The following PPARA variants were observed in gnomAD, a reference collection of about 807,000 sequenced individuals.
PPARA encodes peroxisome proliferator activated receptor alpha, also known as peroxisome proliferator-activated receptor alpha.
PPARA carries 22 observed loss-of-function variants against 42.2 expected under a neutral mutation model. That is an observed-to-expected ratio of 0.52 (90% CI 0.37 to 0.74). The LOEUF is 0.74. Among genes scored for constraint, PPARA ranks in the 30% least tolerant of loss-of-function variants. The pLI is 0.00. For missense variants in PPARA, 465 were observed against 608.2 expected (o/e 0.76, Z 2.48); for synonymous variants, 242 against 239.3 (o/e 1.01, Z -0.10).
intron 3 of PPARA, among the ~76,000 whole-genome samples, chr22:46,189,767 G>A (rs1228642886): frequency 5.3e-5 from 8 of 150,654 alleles, no homozygotes; most frequent in African/African-American, 1.2e-4. Context: ...GTGCAGTGGC[G>A]CAGTCTCAGC....
chr22:46,202,036 T>C (rs938452981), intron 4 of PPARA, among the ~76,000 whole-genome samples: 1 of 152,192 alleles, frequency 6.6e-6, no homozygotes, highest in Non-Finnish European at 1.5e-5. Context: ...GGGTAAGATA[T>C]ACTCTAGAGC....
At position 46,231,383 on chromosome 22, in the gene PPARA, T is replaced by A. The variant is rs1219895100; in HGVS notation, c.712-409T>A. ...ACAGGCGCCCGCCACCACACCCAGC[T>A]AATTTTTTTGTATTTTTAGTAGAGA... On this transcript the variant is annotated intron_variant, in intron 7 of 8. Transcript: ENST00000407236. This position sits in a 1 kb window ranked among gnomAD's most constrained non-coding sequence, Gnocchi z 7.7. Among the ~76,000 whole-genome samples, 1 of 152,048 alleles carries A rather than the reference T, an allele frequency of 6.6e-6. No homozygotes were observed. Among genetic ancestry groups the A allele is most frequent in the Non-Finnish European group, 1.5e-5 (1 of 68,024 alleles).
At position 46,236,852 on chromosome 22, in the gene PPARA, T is replaced by C. The variant is rs183607795; in HGVS notation, c.*1472T>C. ...ATGGTTTAGGTTGTTAAGTCTCCTT[T>C]GTATGTAAGGTAGTTTTTTCAACAT... On this transcript the variant is annotated 3_prime_UTR_variant, in exon 9 of 9. Transcript: ENST00000407236. This position sits in a 1 kb window ranked among gnomAD's most constrained non-coding sequence, Gnocchi z 5.2. 2.2e-4 allele frequency: 33 copies of C among 152,360 alleles called. No homozygotes were observed. Among genetic ancestry groups the C allele is most frequent in the Admixed American group, 1.6e-3 (25 of 15,304 alleles). 9.4% of individuals were successfully genotyped at this position (152,360 alleles called of 1,614,324 possible).
rs991816123 is a variant in PPARA, at chr22:46,198,404, A to T, written c.21A>T (p.Pro7=). Residue 7 remains proline (P), a synonymous_variant, in exon 4 of 9, where the codon CCA becomes CCT. Transcript: ENST00000407236. MVDTES[P]LCPLSPLEAG... ...TCGCGATGGTGGACACGGAAAGCCC[A>T]CTCTGCCCCCTCTCCCCACTCGAGG... The T allele has an allele frequency of 6.2e-7, 1 of 1,613,674 alleles. No homozygotes were observed. The highest frequency in any genetic ancestry group is 1.7e-5 in the Admixed American group (1 of 59,980).
chr22:46,197,030 GTTTGGT>G (rs1263552161), intron 3 of PPARA, among the ~76,000 whole-genome samples: 37 of 148,128 alleles, frequency 2.5e-4, no homozygotes, highest in Admixed American at 2.2e-3. Flanking sequence ...CCTGTTTTTT[GTTTGGT>G]TTTGGTTTTG....
At chr22:46,217,336 C>T (rs1601780787) in intron 5 of PPARA, among the ~76,000 whole-genome samples, 2 of 152,314 alleles carry the variant, frequency 1.3e-5, no homozygotes, top group South Asian at 2.1e-4. Flanking sequence ...TGAACTCCTT[C>T]GCATGTTTTC....
At chr22:46,172,059 C>T (rs926162413) in intron 2 of PPARA, among the ~76,000 whole-genome samples, 3 of 152,036 alleles carry the variant, frequency 2.0e-5, no homozygotes, top group African/African-American at 7.2e-5. Context: ...ACTGAGCAGC[C>T]GTGTCGCCTT....
At chr22:46,215,400 A>G in intron 5 of PPARA, 67 bp downstream of exon 5, 3 of 1,595,218 alleles carry the variant, frequency 1.9e-6, no homozygotes, top group South Asian at 2.2e-5. Flanking sequence ...CTTTTATAGC[A>G]AATGGCAGTC....
In PPARA at chr22:46,161,405, A is replaced by T. The variant is rs1926145613; in HGVS notation, c.-127+9435A>T. ...CAAGAGATCGAGACCAGCCTGGCCA[A>T]CATGGTGAAACCCCGTCTCTACTAA... On this transcript the variant is annotated intron_variant, in intron 2 of 8. Transcript: ENST00000407236. The surrounding 1 kb of genome is among the most constrained non-coding windows in gnomAD (Gnocchi z 4.8). Among the ~76,000 whole-genome samples the T allele has an allele frequency of 6.6e-6, 1 of 152,098 alleles. No homozygotes were observed. The highest frequency in any genetic ancestry group is 1.5e-5 in the Non-Finnish European group (1 of 68,014).
intron 3 of PPARA, among the ~76,000 whole-genome samples, chr22:46,197,905 A>C (rs1356431835): frequency 1.3e-5 from 2 of 151,136 alleles, no homozygotes; most frequent in East Asian, 3.9e-4. Flanking sequence ...ACTCTATCTC[A>C]AAAATAAAAA....
At chr22:46,178,139 G>A (rs1332434586) in intron 3 of PPARA, among the ~76,000 whole-genome samples, 1 of 152,142 alleles carries the variant, frequency 6.6e-6, no homozygotes, top group Non-Finnish European at 1.5e-5. Flanking sequence ...TTTCAAAAGT[G>A]TAGTCTAACA....
Position 46,224,115 on chromosome 22 carries a change from A to T in PPARA, c.711+4101A>T, listed in dbSNP as rs928045189. On this transcript the variant is annotated intron_variant, in intron 7 of 8. Transcript: ENST00000407236. This position sits in a 1 kb window ranked among gnomAD's most constrained non-coding sequence, Gnocchi z 5.7. ...ACCGCAGGTACCAGTTTTCAAGGCA[A>T]CCTCCAACCATCATGTGACTCTTTG... 3.3e-5 allele frequency among the ~76,000 whole-genome samples: 5 copies of T among 152,086 alleles called. No individual in the cohort carries two copies. Among genetic ancestry groups the T allele is most frequent in the African/African-American group, 9.7e-5 (4 of 41,408 alleles).
chr22:46,202,752 A>G (rs1237014798), intron 4 of PPARA, among the ~76,000 whole-genome samples: 3 of 148,474 alleles, frequency 2.0e-5, no homozygotes, highest in South Asian at 4.7e-4. Flanking sequence ...AATCCCGGCT[A>G]CTCAGGAGGC....
In PPARA at chr22:46,165,942, A is replaced by G. The variant is rs558304964; in HGVS notation, c.-126-10811A>G. Among the ~76,000 whole-genome samples the G allele has an allele frequency of 9.9e-5, 15 of 152,186 alleles. No individual in the cohort carries two copies. In the South Asian group the frequency reaches 2.9e-3, roughly 30 times the overall value. On this transcript the variant is annotated intron_variant, in intron 2 of 8. Coordinates refer to ENST00000407236, the MANE Select transcript of PPARA (RefSeq NM_005036.6). This position sits in a 1 kb window ranked among gnomAD's most constrained non-coding sequence, Gnocchi z 5.5. ...CGCTTTGGGAGGCCAAGGCGGGTGAATTGCTTGAGTCTGGGAGTTGGAGAC... is the reference window on the plus strand; with the variant it reads ...CGCTTTGGGAGGCCAAGGCGGGTGAGTTGCTTGAGTCTGGGAGTTGGAGAC...
chr22:46,216,383 CAAA>C lies in PPARA; in HGVS notation c.369+1062_369+1064del, dbSNP rs111225851. 3.8e-5 allele frequency among the ~76,000 whole-genome samples: 5 copies of C among 131,440 alleles called. No individual in the cohort carries two copies. Among genetic ancestry groups the C allele is most frequent in the African/African-American group, 1.1e-4 (4 of 37,114 alleles). 86.2% of individuals were successfully genotyped at this position (131,440 alleles called of 152,430 possible). On this transcript the variant is annotated intron_variant, in intron 5 of 8. Coordinates refer to ENST00000407236, the MANE Select transcript of PPARA (RefSeq NM_005036.6). This position sits in a 1 kb window ranked among gnomAD's most constrained non-coding sequence, Gnocchi z 4.5. Reference sequence around the variant, plus strand: ...AGGCGACAAGAGTAAAACTTCATCTCAAAAAAAAAAAAAAGAGAGAAAAGAAAA... The same window carrying C: ...AGGCGACAAGAGTAAAACTTCATCTCAAAAAAAAAAAGAGAGAAAAGAAAA...
At position 46,227,459 on chromosome 22, in the gene PPARA, C is replaced by T. The variant is rs1158892680; in HGVS notation, c.712-4333C>T. 1.3e-5 allele frequency among the ~76,000 whole-genome samples: 2 copies of T among 152,328 alleles called. No homozygotes were observed. Among genetic ancestry groups the T allele is most frequent in the African/African-American group, 4.8e-5 (2 of 41,580 alleles). On this transcript the variant is annotated intron_variant, in intron 7 of 8. Coordinates refer to ENST00000407236, the MANE Select transcript of PPARA (RefSeq NM_005036.6). The surrounding 1 kb of genome is among the most constrained non-coding windows in gnomAD (Gnocchi z 4.3). The stretch of plus-strand genomic sequence containing the variant: ...TAGACACGGGCTTTTGCCATGTTGG[C>T]CGGGCTGGTCTCGAAATCCTGACCT...
Position 46,165,145 on chromosome 22 carries a change from C to G in PPARA, c.-126-11608C>G, listed in dbSNP as rs540134100. 5 of 152,404 alleles carry G rather than the reference C, an allele frequency of 3.3e-5. 1 individual carries two copies. In the South Asian group the frequency reaches 1.0e-3, roughly 32 times the overall value. 9.4% of individuals were successfully genotyped at this position (152,404 alleles called of 1,614,324 possible). A position where few individuals can be genotyped will look rare whatever the true frequency, so the allele number is the denominator to read the frequency against. ...CTGCCTCCGGGGTATAAGTGATTCT[C>G]CCATATCAGCCTCCCGAGGAGCTGG... is the stretch of plus-strand genomic sequence containing the variant. On this transcript the variant is annotated intron_variant, in intron 2 of 8. Transcript: ENST00000407236. The surrounding 1 kb of genome is among the most constrained non-coding windows in gnomAD (Gnocchi z 5.5).
In PPARA at chr22:46,191,662, G is replaced by T. The variant is rs1028510587; in HGVS notation, c.-42-6680G>T. 5.3e-5 allele frequency among the ~76,000 whole-genome samples: 8 copies of T among 152,184 alleles called. No homozygotes were observed. The highest frequency in any genetic ancestry group is 1.0e-4 in the Non-Finnish European group (7 of 68,020). Reference sequence around the variant, plus strand: ...GTGTGTGCCGCTTTGCCCTCTGGGTGACAGCAGGCTGTGGCTGCGGCGACA... The same window carrying T: ...GTGTGTGCCGCTTTGCCCTCTGGGTTACAGCAGGCTGTGGCTGCGGCGACA... On this transcript the variant is annotated intron_variant, in intron 3 of 8. Coordinates refer to ENST00000407236, the MANE Select transcript of PPARA (RefSeq NM_005036.6). The surrounding 1 kb of genome is among the most constrained non-coding windows in gnomAD (Gnocchi z 4.6).
At position 46,227,392 on chromosome 22, in the gene PPARA, C is replaced by T. The variant is rs1935541810; in HGVS notation, c.712-4400C>T. Among the ~76,000 whole-genome samples, 1 of 152,172 alleles carries T rather than the reference C, an allele frequency of 6.6e-6. No individual in the cohort carries two copies. Among genetic ancestry groups the T allele is most frequent in the African/African-American group, 2.4e-5 (1 of 41,424 alleles). ...TCAGCCTCCTAAGTAGCTGGGATTA[C>T]AGGTGCCAGCCACCACACCCGACTA... On this transcript the variant is annotated intron_variant, in intron 7 of 8. Coordinates refer to ENST00000407236, the MANE Select transcript of PPARA (RefSeq NM_005036.6). The surrounding 1 kb of genome is among the most constrained non-coding windows in gnomAD (Gnocchi z 4.3).
Sources: allele counts gnomAD v4.1 joint callset (sites outside exome capture counted in the v4.1 genomes callset), GRCh38; gene constraint gnomAD v4.1.1; non-coding constraint Gnocchi (gnomAD v3.1); transcripts MANE v1.5; gene names NCBI Gene and HGNC (gene_info 2026-07-23, HGNC 2026-07-21).